ZFP1: variants seen among roughly 807,000 people sequenced by gnomAD.
ZFP1 encodes zinc finger protein 1 homolog.
ZFP1 carries 32 observed loss-of-function variants against 38.5 expected under a neutral mutation model. The observed-to-expected ratio is 0.83, with a 90% confidence interval of 0.63 to 1.12. ZFP1 has a LOEUF of 1.12. Ranked by LOEUF, ZFP1 falls within the 50% of genes most tolerant of loss-of-function variation. ZFP1 has a pLI of 0.00. For missense variants in ZFP1, 616 were observed against 480.8 expected (o/e 1.28, Z -2.63); for synonymous variants, 245 against 168.8 (o/e 1.45, Z -3.50).
chr16:75,138,776 C>G, the ZFP1 span, among the ~76,000 whole-genome samples: 6 of 152,212 alleles, frequency 3.9e-5, no homozygotes, highest in African/African-American at 1.4e-4. Context: ...GCAGGCTGCC[C>G]CCTGCGGCTT....
the ZFP1 span, among the ~76,000 whole-genome samples, chr16:75,139,233 G>C: frequency 6.6e-6 from 1 of 151,912 alleles, no homozygotes; most frequent in Non-Finnish European, 1.5e-5. Flanking sequence ...GCCAGGTGTG[G>C]TGGCGGGTGC....
chr16:75,166,835 C>G lies in ZFP1; in HGVS notation c.81C>G (p.Pro27=). ...FTQEEWEQLD[P]SQRILYMDVM... ...AGGAGGAATGGGAACAACTGGACCC[C>G]TCTCAGAGGATCCTATACATGGATG... Residue 27 remains proline, a synonymous_variant, in exon 3 of 4, where the codon CCC becomes CCG. Coordinates refer to ENST00000570010, the MANE Select transcript of ZFP1 (RefSeq NM_153688.4). 1 of 1,614,132 alleles carries G rather than the reference C, an allele frequency of 6.2e-7. No homozygotes were observed. Among genetic ancestry groups the G allele is most frequent in the Non-Finnish European group, 8.5e-7 (1 of 1,180,014 alleles).
chr16:75,152,847 C>A, intron 1 of ZFP1, 62 bp from the exon 2 acceptor site: 2 of 1,484,350 alleles, frequency 1.3e-6, no homozygotes, highest in Admixed American at 1.9e-5. Flanking sequence ...ACAAGTCATT[C>A]TAGGAGTTGT....
At chr16:75,163,848 C>G (rs1362106717) in intron 2 of ZFP1, among the ~76,000 whole-genome samples, 1 of 152,086 alleles carries the variant, frequency 6.6e-6, no homozygotes, top group African/African-American at 2.4e-5. Context: ...TGAGCTCAAG[C>G]AGTCCTCCTG....
chr16:75,131,837 C>T, the ZFP1 span, among the ~76,000 whole-genome samples: 1 of 152,034 alleles, frequency 6.6e-6, no homozygotes, highest in Admixed American at 6.6e-5. Flanking sequence ...CAGGGGCAGA[C>T]ACCTGTAATC....
At chr16:75,133,120 GGT>G in the ZFP1 span, among the ~76,000 whole-genome samples, 9 of 151,424 alleles carry the variant, frequency 5.9e-5, no homozygotes, top group Non-Finnish European at 1.2e-4. Flanking sequence ...TGGGATTACA[GGT>G]GCATGCCACC....
rs1212344808 is a variant in ZFP1, at chr16:75,172,108, T to C, written c.*1774T>C. The C allele has an allele frequency of 6.6e-6, 1 of 152,214 alleles. No homozygotes were observed. The highest frequency in any genetic ancestry group is 1.5e-5 in the Non-Finnish European group (1 of 68,042). The allele number at this position is 152,214 out of a possible 1,614,324, so 9.4% of individuals were successfully genotyped here. A position where few individuals can be genotyped will look rare whatever the true frequency, so the allele number is the denominator to read the frequency against. ...AAAACATACCATGGCTGAATGGTAT[T>C]TCCTTGAAAAGAATGTGTGGGAACA... On this transcript the variant is annotated 3_prime_UTR_variant, in exon 4 of 4. Transcript: ENST00000570010.
chr16:75,129,503 A>T, the ZFP1 span, among the ~76,000 whole-genome samples: 1 of 152,202 alleles, frequency 6.6e-6, no homozygotes, highest in Non-Finnish European at 1.5e-5. Context: ...GCTCACTGAG[A>T]TAAATGCGTA....
chr16:75,146,573 C>G (rs1311796744), upstream of ZFP1, among the ~76,000 whole-genome samples: 1 of 152,128 alleles, frequency 6.6e-6, no homozygotes, highest in African/African-American at 2.4e-5. Context: ...TTAGAAGCAA[C>G]CAATGTATCT....
intron 2 of ZFP1, among the ~76,000 whole-genome samples, chr16:75,165,396 C>A (rs1038338227): frequency 6.6e-6 from 1 of 151,956 alleles, no homozygotes; most frequent in African/African-American, 2.4e-5. Flanking sequence ...CCTGTTTTTT[C>A]CTCTGGGTTT....
upstream of ZFP1, among the ~76,000 whole-genome samples, chr16:75,143,837 G>A (rs1291587218): frequency 6.6e-6 from 1 of 151,066 alleles, no homozygotes; most frequent in Non-Finnish European, 1.5e-5. Flanking sequence ...TATTTTTTTG[G>A]TAGAGATGGT....
chr16:75,163,206 C>T (rs893595063), intron 2 of ZFP1, among the ~76,000 whole-genome samples: 6 of 151,974 alleles, frequency 3.9e-5, no homozygotes, highest in Non-Finnish European at 5.9e-5. Flanking sequence ...TGCGCCCGGC[C>T]AATGTTTTTT....
chr16:75,154,570 A>G (rs1170326025), intron 2 of ZFP1, among the ~76,000 whole-genome samples: 1 of 117,496 alleles, frequency 8.5e-6, no homozygotes, highest in Non-Finnish European at 1.7e-5. Context: ...GCAATGAATG[A>G]GAGTTTTTTT....
chr16:75,120,661 G>A, the ZFP1 span, among the ~76,000 whole-genome samples: 1 of 151,976 alleles, frequency 6.6e-6, no homozygotes, highest in Non-Finnish European at 1.5e-5. Context: ...GAGTGCAGTG[G>A]CGCAATCTCG....
the ZFP1 span, among the ~76,000 whole-genome samples, chr16:75,127,604 A>T: frequency 6.6e-6 from 1 of 152,166 alleles, no homozygotes; most frequent in African/African-American, 2.4e-5. Flanking sequence ...TATAGGCATG[A>T]GTCACTGTGT....
intron 2 of ZFP1, 112 bp downstream of exon 2, chr16:75,153,078 A>G: frequency 2.1e-6 from 3 of 1,399,228 alleles, no homozygotes; most frequent in Non-Finnish European, 2.9e-6. Context: ...AAACATAGCA[A>G]GAATAACTAA....
At chr16:75,138,971 C>G in the ZFP1 span, among the ~76,000 whole-genome samples, 1 of 152,166 alleles carries the variant, frequency 6.6e-6, no homozygotes, top group Non-Finnish European at 1.5e-5. Context: ...CCTCTAGGAT[C>G]TTCCTCCCCA....
chr16:75,135,199 G>A, the ZFP1 span, among the ~76,000 whole-genome samples: 4 of 20,598 alleles, frequency 1.9e-4, no homozygotes, highest in Non-Finnish European at 4.6e-4. Flanking sequence ...GACAGAGTGA[G>A]ACCTTATCTC....
At chr16:75,158,379 CTCTT>C (rs1206842200) in intron 2 of ZFP1, among the ~76,000 whole-genome samples, 11 of 150,940 alleles carry the variant, frequency 7.3e-5, no homozygotes, top group Non-Finnish European at 1.2e-4. Flanking sequence ...GACAGGATCT[CTCTT>C]TCTCACCCAG....
Sources: allele counts gnomAD v4.1 joint callset (sites outside exome capture counted in the v4.1 genomes callset), GRCh38; gene constraint gnomAD v4.1.1; transcripts MANE v1.5; gene names NCBI Gene and HGNC (gene_info 2026-07-23, HGNC 2026-07-21).